The following TMCO5A variants were observed in gnomAD, a reference collection of about 807,000 sequenced individuals.
TMCO5A encodes the protein transmembrane and coiled-coil domain-containing protein 5A.
A neutral mutation model predicts 42.3 loss-of-function variants in TMCO5A; 34 were observed. The ratio of observed to expected loss-of-function variants is 0.80; its 90% CI spans 0.61 to 1.07. The LOEUF is 1.07. TMCO5A is among the 50% of genes least tolerant of loss of function. The pLI is 0.00. For synonymous variants in TMCO5A, 131 were observed against 115.6 expected (o/e 1.13, Z -0.86); for missense variants, 357 against 327.9 (o/e 1.09, Z -0.69).
At chr15:37,979,950 A>AAT in the TMCO5A span, among the ~76,000 whole-genome samples, 1 of 151,842 alleles carries the variant, frequency 6.6e-6, no homozygotes, top group African/African-American at 2.4e-5. Flanking sequence ...GTCTTATGAA[A>AAT]AACATTCTGG....
chr15:38,036,768 G>C, the TMCO5A span, among the ~76,000 whole-genome samples: 1 of 152,032 alleles, frequency 6.6e-6, no homozygotes, highest in South Asian at 2.1e-4. Flanking sequence ...CCTGCTAGAG[G>C]ACTTATATCA....
the TMCO5A span, among the ~76,000 whole-genome samples, chr15:38,032,170 G>C: frequency 1.5e-4 from 23 of 152,142 alleles, no homozygotes; most frequent in Non-Finnish European, 2.9e-4. Flanking sequence ...GGTTAGGCTG[G>C]TCTCAAACTC....
At chr15:38,003,658 G>A in the TMCO5A span, among the ~76,000 whole-genome samples, 2 of 152,066 alleles carry the variant, frequency 1.3e-5, no homozygotes, top group East Asian at 3.9e-4. Flanking sequence ...AAGCAGATGA[G>A]TCTCTCCCCA....
intron 11 of TMCO5A, among the ~76,000 whole-genome samples, chr15:37,966,286 G>A (rs868220826): frequency 6.8e-6 from 1 of 146,590 alleles, no homozygotes; most frequent in Non-Finnish European, 1.5e-5. Context: ...ATGCTTAGTG[G>A]TTTTTTTTTT....
At chr15:38,011,336 C>G in the TMCO5A span, among the ~76,000 whole-genome samples, 1 of 152,134 alleles carries the variant, frequency 6.6e-6, no homozygotes, top group Non-Finnish European at 1.5e-5. Flanking sequence ...CACACGTGTC[C>G]CTTCATACAA....
At chr15:38,024,084 G>A in the TMCO5A span, among the ~76,000 whole-genome samples, 2 of 152,194 alleles carry the variant, frequency 1.3e-5, no homozygotes, top group African/African-American at 2.4e-5. Flanking sequence ...CTAATGTACA[G>A]CTTTTCTGCT....
chr15:37,940,375 C>T (rs1232814982), intron 6 of TMCO5A, among the ~76,000 whole-genome samples: 1 of 152,140 alleles, frequency 6.6e-6, no homozygotes, highest in African/African-American at 2.4e-5. Flanking sequence ...GTGATAACCT[C>T]ATGGTCTTGG....
the TMCO5A span, among the ~76,000 whole-genome samples, chr15:38,019,332 C>A: frequency 6.6e-6 from 1 of 152,088 alleles, no homozygotes; most frequent in Non-Finnish European, 1.5e-5. Context: ...TCTCAAGTAA[C>A]AAGGAAAAGG....
rs367960299 is a variant in TMCO5A, at chr15:37,945,743, T to C, written c.628-1913T>C. On this transcript the variant is annotated intron_variant, in intron 10 of 11. Transcript: ENST00000319669. ...GTTGTTTTTTTCTTGTAAATTTGTT[T>C]AAGTTCCTTGTAGACTCTGGGTATT... is the stretch of plus-strand genomic sequence containing the variant. 1.3e-4 allele frequency among the ~76,000 whole-genome samples: 20 copies of C among 152,298 alleles called. No homozygotes were observed. In the East Asian group the frequency reaches 3.7e-3, roughly 28 times the overall value.
At chr15:37,968,350 C>T (rs1890605280), downstream of TMCO5A, among the ~76,000 whole-genome samples, 1 of 152,104 alleles carries the variant, frequency 6.6e-6, no homozygotes, top group Admixed American at 6.6e-5. Context: ...CTTCCAAAGA[C>T]TCACCACCCA....
chr15:38,012,948 C>G, the TMCO5A span, among the ~76,000 whole-genome samples: 2 of 152,248 alleles, frequency 1.3e-5, no homozygotes, highest in South Asian at 4.1e-4. Flanking sequence ...AAGGAACAAA[C>G]TTGGAAGGGG....
At chr15:38,036,790 T>A in the TMCO5A span, among the ~76,000 whole-genome samples, 1 of 152,148 alleles carries the variant, frequency 6.6e-6, no homozygotes, top group South Asian at 2.1e-4. Flanking sequence ...GGTATAATTA[T>A]GTGCTTGCAT....
the TMCO5A span, among the ~76,000 whole-genome samples, chr15:38,010,607 G>T: frequency 6.6e-6 from 1 of 152,036 alleles, no homozygotes; most frequent in Non-Finnish European, 1.5e-5. Flanking sequence ...CGTAATTTCA[G>T]CCTAGTGATA....
At chr15:38,039,861 T>C in the TMCO5A span, 1 of 152,234 alleles carries the variant, frequency 6.6e-6, no homozygotes, top group Non-Finnish European at 1.5e-5. Flanking sequence ...TGGGCACGAA[T>C]TAGCTGGTCC....
the TMCO5A span, among the ~76,000 whole-genome samples, chr15:37,974,253 T>C: frequency 3.3e-5 from 5 of 152,354 alleles, no homozygotes; most frequent in South Asian, 8.3e-4. Context: ...GGTTTTGGTA[T>C]CAGGAAGATG....
the TMCO5A span, among the ~76,000 whole-genome samples, chr15:38,019,769 G>T: frequency 1.3e-3 from 194 of 146,914 alleles, no homozygotes; most frequent in African/African-American, 4.6e-3. Flanking sequence ...ACTATGTCTG[G>T]CTAATTTTTT....
chr15:37,973,620 T>A, the TMCO5A span, among the ~76,000 whole-genome samples: 3,641 of 152,292 alleles, frequency 0.024, 149 homozygotes, highest in African/African-American at 0.083. Flanking sequence ...TGATTTTGTA[T>A]CCTGAAACTT....
At chr15:38,016,312 A>G in the TMCO5A span, among the ~76,000 whole-genome samples, 1 of 152,234 alleles carries the variant, frequency 6.6e-6, no homozygotes, top group Non-Finnish European at 1.5e-5. Flanking sequence ...GTGAAAAGTG[A>G]AGATTAAGAC....
At chr15:38,031,787 A>G in the TMCO5A span, among the ~76,000 whole-genome samples, 3 of 152,156 alleles carry the variant, frequency 2.0e-5, no homozygotes, top group Non-Finnish European at 4.4e-5. Flanking sequence ...TACTGTCTTA[A>G]GCCACTGAGC....
Sources: gnomAD v4.1 joint callset for allele counts (sites outside exome capture counted in the v4.1 genomes callset) on GRCh38, gnomAD v4.1.1 for gene constraint, MANE v1.5 for transcripts, NCBI Gene and HGNC (gene_info 2026-07-23, HGNC 2026-07-21) for gene names.